The following RTN4 variants were observed in gnomAD, a reference collection of about 807,000 sequenced individuals.
The protein encoded by RTN4 is reticulon 4, also known as reticulon-4.
A neutral mutation model predicts 90.4 loss-of-function variants in RTN4; 32 were observed. That is an observed-to-expected ratio of 0.35 (90% CI 0.27 to 0.48). The LOEUF (loss-of-function observed/expected upper bound fraction) is 0.48. Ranked by LOEUF, RTN4 falls within the 20% of genes least tolerant of loss-of-function variation. The pLI is 0.99. For synonymous variants in RTN4, 629 were observed against 552.5 expected (o/e 1.14, Z -1.94); for missense variants, 1,706 against 1,430.2 (o/e 1.19, Z -3.11).
intron 2 of RTN4, among the ~76,000 whole-genome samples, chr2:55,076,884 T>C (rs1416519116): frequency 3.9e-5 from 6 of 152,230 alleles, no homozygotes; most frequent in Admixed American, 3.9e-4. Flanking sequence ...TCTTGCAACC[T>C]TGTGGAAAAG....
chr2:55,048,579 G>A (rs1393315869), intron 1 of RTN4, among the ~76,000 whole-genome samples: 1 of 151,792 alleles, frequency 6.6e-6, no homozygotes, highest in Non-Finnish European at 1.5e-5. Context: ...TCAAGACGTC[G>A]CTAGGCGGCA....
At chr2:55,018,178 A>C (rs917192048) in intron 3 of RTN4, among the ~76,000 whole-genome samples, 1 of 152,222 alleles carries the variant, frequency 6.6e-6, no homozygotes, top group Non-Finnish European at 1.5e-5. Context: ...ATTATGGTGA[A>C]GACCTAAATG....
chr2:55,055,517 C>T (rs183450420), upstream of RTN4, among the ~76,000 whole-genome samples: 1 of 152,234 alleles, frequency 6.6e-6, no homozygotes, highest in African/African-American at 2.4e-5. Flanking sequence ...CCTGTAATCC[C>T]AGCACTTTGG....
chr2:55,106,379 C>T (rs536816680), intron 1 of RTN4, among the ~76,000 whole-genome samples: 3 of 152,182 alleles, frequency 2.0e-5, no homozygotes, highest in African/African-American at 4.8e-5. Flanking sequence ...ACACTGTACA[C>T]TCCTTGAGAG....
chr2:55,035,748 A>G (rs1390251178), intron 1 of RTN4, among the ~76,000 whole-genome samples: 2 of 152,160 alleles, frequency 1.3e-5, no homozygotes, highest in Non-Finnish European at 2.9e-5. Flanking sequence ...TTGAAAATAA[A>G]AGAGGGACTG....
At position 55,050,018 on chromosome 2, in the gene RTN4, G is replaced by A. The variant is rs1668013058; in HGVS notation, c.283C>T (p.Pro95Ser). 7.2e-7 allele frequency: 1 copy of A among 1,387,244 alleles called. No homozygotes were observed. The highest frequency in any genetic ancestry group is 9.3e-7 in the Non-Finnish European group (1 of 1,077,826). The allele number at this position is 1,387,244 out of a possible 1,614,324, so 85.9% of individuals were successfully genotyped here. ...FVPPAPRGPLPAAPPVAPERQ... is the reference protein window; with the variant it reads ...FVPPAPRGPLSAAPPVAPERQ... ...TCCGGGGCGACGGGGGGAGCGGCCG[G>A]CAGGGGTCCCCGGGGCGCCGGCGGC... The change falls in exon 1 of 9, where the codon CCG becomes TCG. Residue 95 changes from proline (P) to serine (S), a missense_variant. Pro to Ser is a moderately conservative substitution (Grantham distance 74, BLOSUM62 -1). Coordinates refer to ENST00000337526, the MANE Select transcript of RTN4 (RefSeq NM_020532.5). The surrounding 1 kb of genome is among the most constrained non-coding windows in gnomAD (Gnocchi z 4.6).
intron 1 of RTN4, among the ~76,000 whole-genome samples, chr2:55,086,132 C>T (rs1262996106): frequency 6.6e-6 from 1 of 152,080 alleles, no homozygotes; most frequent in Admixed American, 6.5e-5. Context: ...TTATTATTTC[C>T]CAATTAATCT....
chr2:55,078,484 G>GA (rs1381122825), intron 2 of RTN4, among the ~76,000 whole-genome samples: 1 of 152,156 alleles, frequency 6.6e-6, no homozygotes, highest in East Asian at 1.9e-4. Flanking sequence ...TTATAGAGAA[G>GA]AAAAAACAGT....
chr2:55,088,337 T>C (rs984408922), intron 1 of RTN4, among the ~76,000 whole-genome samples: 2 of 152,258 alleles, frequency 1.3e-5, no homozygotes, highest in Non-Finnish European at 2.9e-5. Context: ...TGGAGATACA[T>C]AGTTTGTTTA....
intron 1 of RTN4, among the ~76,000 whole-genome samples, chr2:55,105,895 G>T (rs956907483): frequency 6.6e-6 from 1 of 152,052 alleles, no homozygotes; most frequent in African/African-American, 2.4e-5. Context: ...CCAGAGGATC[G>T]CTTGCACCCA....
chr2:55,133,099 T>C, the RTN4 span, among the ~76,000 whole-genome samples: 1 of 151,980 alleles, frequency 6.6e-6, no homozygotes, highest in Non-Finnish European at 1.5e-5. Flanking sequence ...TAATCCCAGC[T>C]ACCTGGGAGG....
chr2:55,086,007 G>A (rs1306635744), intron 1 of RTN4, among the ~76,000 whole-genome samples: 1 of 152,186 alleles, frequency 6.6e-6, no homozygotes, highest in Non-Finnish European at 1.5e-5. Flanking sequence ...GTCAATAGGT[G>A]ATAGAGCCAA....
chr2:55,059,955 G>A (rs1333963783), intron 2 of RTN4, among the ~76,000 whole-genome samples: 1 of 152,092 alleles, frequency 6.6e-6, no homozygotes, highest in East Asian at 1.9e-4. Context: ...TGGGATTACA[G>A]GGGTGAGCCA....
In RTN4 at chr2:55,026,212, A is replaced by C; in HGVS notation, c.1887T>G (p.Ala629=). 6.2e-7 allele frequency: 1 copy of C among 1,613,782 alleles called. No homozygotes were observed. The highest frequency in any genetic ancestry group is 8.5e-7 in the Non-Finnish European group (1 of 1,179,884). Residue 629 remains alanine (A), a synonymous_variant, in exon 3 of 9, where the codon GCT becomes GCG. Coordinates refer to ENST00000337526, the MANE Select transcript of RTN4 (RefSeq NM_020532.5). ...PLNSAVPSAG[A]SVIQPSSSPL... ...GTGATGAGCTGGGCTGTATCACGGA[A>C]GCACCAGCACTAGGAACTGCAGAAT...
intron 1 of RTN4, among the ~76,000 whole-genome samples, chr2:55,091,302 T>C (rs1288565920): frequency 6.6e-6 from 1 of 152,206 alleles, no homozygotes; most frequent in Non-Finnish European, 1.5e-5. Flanking sequence ...CCTCCATTCA[T>C]AGGGTGTCAT....
At chr2:55,046,685 GA>G (rs1365944397) in intron 1 of RTN4, 1 of 152,202 alleles carries the variant, frequency 6.6e-6, no homozygotes, top group Non-Finnish European at 1.5e-5. Context: ...GCTTAGAATA[GA>G]TCCTGTCTCT....
At chr2:55,096,765 C>T (rs1321463260) in intron 1 of RTN4, among the ~76,000 whole-genome samples, 2 of 151,212 alleles carry the variant, frequency 1.3e-5, no homozygotes, top group African/African-American at 4.9e-5. Flanking sequence ...CCACCACACC[C>T]TCTGCTCATT....
chr2:55,018,861 G>A (rs1681226510), intron 3 of RTN4, among the ~76,000 whole-genome samples: 3 of 152,102 alleles, frequency 2.0e-5, no homozygotes, highest in Non-Finnish European at 4.4e-5. Flanking sequence ...CTAGCATCTA[G>A]CTCTTGATCT....
chr2:55,128,035 A>AT, the RTN4 span, among the ~76,000 whole-genome samples: 1 of 151,432 alleles, frequency 6.6e-6, no homozygotes, highest in Non-Finnish European at 1.5e-5. Context: ...TGCCTGGCTA[A>AT]TTTTTTTATT....
Sources: allele counts gnomAD v4.1 joint callset (sites outside exome capture counted in the v4.1 genomes callset), GRCh38; gene constraint gnomAD v4.1.1; non-coding constraint Gnocchi (gnomAD v3.1); transcripts MANE v1.5; gene names NCBI Gene and HGNC (gene_info 2026-07-23, HGNC 2026-07-21).